HYDIN: variants seen among roughly 807,000 people sequenced by gnomAD.
The protein encoded by HYDIN is axonemal central pair apparatus protein HYDIN.
A neutral mutation model predicts 403.9 loss-of-function variants in HYDIN; 132 were observed. The ratio of observed to expected loss-of-function variants is 0.33; its 90% CI spans 0.28 to 0.38. The LOEUF is 0.38. HYDIN is among the 10% of genes least tolerant of loss of function. The pLI is 1.00. For synonymous variants in HYDIN, 1,202 were observed against 1,891.7 expected, an observed-to-expected ratio of 0.64 and a Z score of 9.46; for missense variants, 2,827 against 5,009.5, an observed-to-expected ratio of 0.56 and a Z score of 13.15.
intron 13 of HYDIN, among the ~76,000 whole-genome samples, chr16:71,073,357 T>G (rs1347000468): frequency 6.6e-6 from 1 of 152,216 alleles, no homozygotes; most frequent in Non-Finnish European, 1.5e-5. Flanking sequence ...TGCTCACACC[T>G]ACTATGATCT....
At chr16:70,985,085 A>G in intron 28 of HYDIN, 100 bp downstream of exon 28, 2 of 983,570 alleles carry the variant, frequency 2.0e-6, no homozygotes, top group South Asian at 3.7e-5. Context: ...AGTTTTAACA[A>G]AAAGAAAAAA....
At chr16:71,051,838 A>C (rs990509769) in intron 18 of HYDIN, among the ~76,000 whole-genome samples, 1 of 152,190 alleles carries the variant, frequency 6.6e-6, no homozygotes, top group Non-Finnish European at 1.5e-5. Flanking sequence ...AAGTCTACGA[A>C]CAGAATTAAT....
At chr16:71,183,160 A>T (rs972578690) in intron 3 of HYDIN, among the ~76,000 whole-genome samples, 1 of 152,100 alleles carries the variant, frequency 6.6e-6, no homozygotes, top group African/African-American at 2.4e-5. Flanking sequence ...GGAAGTGGTG[A>T]GAAGCGGGAT....
chr16:71,185,088 T>C, intron 2 of HYDIN, 98 bp from the exon 3 acceptor site: 1 of 737,590 alleles, frequency 1.4e-6, no homozygotes. Context: ...GTTTGCAGCT[T>C]TCAGGATAAT....
At chr16:71,221,905 T>C (rs2089219221) in intron 1 of HYDIN, among the ~76,000 whole-genome samples, 1 of 152,248 alleles carries the variant, frequency 6.6e-6, no homozygotes, top group Admixed American at 6.5e-5. Context: ...CCTACTCTTG[T>C]GCCAATCACT....
chr16:70,896,373 G>A (rs2143735479), intron 53 of HYDIN, among the ~76,000 whole-genome samples: 1 of 151,966 alleles, frequency 6.6e-6, no homozygotes, highest in Admixed American at 6.6e-5. Flanking sequence ...TCTTTTTTGA[G>A]GCAGGCTCTC....
At chr16:70,819,679 A>G (rs1473030294) in intron 83 of HYDIN, among the ~76,000 whole-genome samples, 6 of 147,608 alleles carry the variant, frequency 4.1e-5, no homozygotes, top group Non-Finnish European at 7.5e-5. Context: ...TTTATGCAAT[A>G]GGGTCTATTC....
intron 73 of HYDIN, among the ~76,000 whole-genome samples, chr16:70,851,464 C>T (rs1372988621): frequency 2.0e-5 from 3 of 148,894 alleles, no homozygotes; most frequent in Non-Finnish European, 2.9e-5. Flanking sequence ...GGCCAACAAA[C>T]GTATAAAGAA....
At chr16:71,127,613 G>A (rs2084520787) in intron 9 of HYDIN, among the ~76,000 whole-genome samples, 1 of 151,422 alleles carries the variant, frequency 6.6e-6, no homozygotes, top group Admixed American at 6.6e-5. Context: ...AAATGGGCAG[G>A]ACTTACCTAT....
At chr16:70,870,649 G>T (rs546867766) in intron 65 of HYDIN, among the ~76,000 whole-genome samples, 44 of 152,138 alleles carry the variant, frequency 2.9e-4, no homozygotes, top group Non-Finnish European at 5.3e-4. Context: ...TTTGATTAAG[G>T]CTTTGGTAAT....
intron 75 of HYDIN, among the ~76,000 whole-genome samples, chr16:70,844,538 G>A (rs1055986298): frequency 1.4e-5 from 2 of 138,848 alleles, no homozygotes; most frequent in Admixed American, 7.2e-5. Flanking sequence ...CTCTTTTTTG[G>A]TTCCATATGA....
At chr16:71,185,766 G>A (rs1376800007) in intron 2 of HYDIN, among the ~76,000 whole-genome samples, 1 of 152,128 alleles carries the variant, frequency 6.6e-6, no homozygotes, top group Non-Finnish European at 1.5e-5. Context: ...ATATGTGCAG[G>A]GAGATTATGA....
rs1170464666 is a variant in HYDIN at position 70,834,970 on chromosome 16, A to ATG, written c.13401+704_13401+705dup. ...TATATGTATATATATACACACATATATGTGTGTATATATATATATATACAC... is the reference window on the plus strand; with the variant it reads ...TATATGTATATATATACACACATATATGTGTGTGTATATATATATATATACAC... On this transcript the variant is annotated intron_variant, in intron 78 of 85. Coordinates refer to ENST00000393567, the MANE Select transcript of HYDIN (RefSeq NM_001270974.2). Among the ~76,000 whole-genome samples the ATG allele has an allele frequency of 1.2e-4, 15 of 129,902 alleles. 1 individual carries two copies. Among genetic ancestry groups the ATG allele is most frequent in the Middle Eastern group, 3.9e-3 (1 of 258 alleles). The allele number at this position is 129,902 out of a possible 152,430, so 85.2% of individuals were successfully genotyped here. A position where few individuals can be genotyped will look rare whatever the true frequency, so the allele number is the denominator to read the frequency against.
In HYDIN at chr16:71,088,527, A is replaced by C; in HGVS notation, c.1447-3T>G. 1.6e-6 allele frequency: 1 copy of C among 632,950 alleles called. No individual in the cohort carries two copies. The highest frequency in any genetic ancestry group is 2.9e-6 in the Non-Finnish European group (1 of 348,326). The allele number at this position is 632,950 out of a possible 1,614,324, so 39.2% of individuals were successfully genotyped here. A position where few individuals can be genotyped will look rare whatever the true frequency, so the allele number is the denominator to read the frequency against. Reference sequence around the variant, plus strand: ...CTGCCTTTGTTGTACAGTATCGCCTATATCAATAAAAGGCAAGAATGTGAA... The same window carrying C: ...CTGCCTTTGTTGTACAGTATCGCCTCTATCAATAAAAGGCAAGAATGTGAA... On this transcript the variant is annotated splice_polypyrimidine_tract_variant and splice_region_variant and intron_variant, in intron 11 of 85. Coordinates refer to ENST00000393567, the MANE Select transcript of HYDIN (RefSeq NM_001270974.2).
chr16:70,859,233 G>A (rs1260623642), intron 71 of HYDIN, among the ~76,000 whole-genome samples: 2 of 152,046 alleles, frequency 1.3e-5, no homozygotes, highest in Admixed American at 6.6e-5. Context: ...CCCAGGAGGC[G>A]GAGCATGTAG....
chr16:71,033,804 C>G (rs905473210), intron 18 of HYDIN, among the ~76,000 whole-genome samples: 5 of 151,768 alleles, frequency 3.3e-5, no homozygotes, highest in Non-Finnish European at 7.4e-5. Context: ...AAATCATTTC[C>G]CCATTTTGAT....
At chr16:71,087,356 AT>A (rs2144361784) in intron 12 of HYDIN, among the ~76,000 whole-genome samples, 1 of 149,856 alleles carries the variant, frequency 6.7e-6, no homozygotes, top group East Asian at 2.0e-4. Context: ...GCTTCTCTTT[AT>A]TTTTTCACAT....
intron 18 of HYDIN, among the ~76,000 whole-genome samples, chr16:71,056,495 C>A (rs2081899781): frequency 6.6e-6 from 1 of 151,960 alleles, no homozygotes; most frequent in Non-Finnish European, 1.5e-5. Context: ...TGGAGGTAGG[C>A]TTCGGCTTCC....
intron 77 of HYDIN, among the ~76,000 whole-genome samples, chr16:70,836,087 T>C (rs1442823837): frequency 1.3e-5 from 2 of 152,078 alleles, no homozygotes; most frequent in African/African-American, 2.4e-5. Context: ...CTTGAGAGCA[T>C]ATTACATGGG....
Sources: gnomAD v4.1 joint callset for allele counts (sites outside exome capture counted in the v4.1 genomes callset) on GRCh38, gnomAD v4.1.1 for gene constraint, MANE v1.5 for transcripts, NCBI Gene and HGNC (gene_info 2026-07-23, HGNC 2026-07-21) for gene names.